SMOC2: variants seen among roughly 807,000 people sequenced by gnomAD.
The protein encoded by SMOC2 is SPARC related modular calcium binding 2, also known as SPARC-related modular calcium-binding protein 2.
SMOC2 carries 39 observed loss-of-function variants against 61.4 expected under a neutral mutation model. The ratio of observed to expected loss-of-function variants is 0.64; its 90% confidence interval spans 0.49 to 0.83. The LOEUF (loss-of-function observed/expected upper bound fraction) is 0.83, where lower values mean the gene tolerates loss of function less well. Among genes scored for constraint, SMOC2 ranks in the 40% least tolerant of loss-of-function variants. SMOC2 has a pLI of 0.00. For synonymous variants in SMOC2, 247 were observed against 239.9 expected (o/e 1.03, Z -0.27); for missense variants, 556 against 592.9 (o/e 0.94, Z 0.65).
chr6:168,596,452 C>G (rs192264343), intron 7 of SMOC2, among the ~76,000 whole-genome samples: 1 of 137,414 alleles, frequency 7.3e-6, no homozygotes. Context: ...CATGAGCAAG[C>G]GCCACGTGAA....
chr6:168,636,885 TCCTCCCA>T (rs1786744407), intron 9 of SMOC2, among the ~76,000 whole-genome samples: 1 of 33,164 alleles, frequency 3.0e-5, no homozygotes, highest in Non-Finnish European at 5.6e-5. Context: ...CCCGCCTCCC[TCCTCCCA>T]CCTCCCTCCT....
At position 168,526,461 on chromosome 6, in the gene SMOC2, C is replaced by A. The variant is rs763130799; in HGVS notation, c.363+9C>A. On this transcript the variant is annotated intron_variant, in intron 3 of 12. Transcript: ENST00000356284. ...ACGGCACCTACAGTCAGGTTACCGG[C>A]CTTGCTTGGGAGGTTCTGCACCTGT... The A allele has an allele frequency of 2.5e-6, 4 of 1,612,052 alleles. No individual in the cohort carries two copies. The highest frequency in any genetic ancestry group is 1.1e-5 in the South Asian group (1 of 91,058).
intron 7 of SMOC2, among the ~76,000 whole-genome samples, chr6:168,589,031 C>T (rs1481318047): frequency 1.4e-5 from 2 of 140,238 alleles, no homozygotes; most frequent in East Asian, 4.3e-4. Context: ...GAGTTGAGAT[C>T]GTGCCACTGC....
chr6:168,597,094 G>T (rs552790096), intron 7 of SMOC2, among the ~76,000 whole-genome samples: 1 of 152,232 alleles, frequency 6.6e-6, no homozygotes, highest in Non-Finnish European at 1.5e-5. Context: ...TGAGTACAGC[G>T]TATGAGGTTG....
intron 2 of SMOC2, among the ~76,000 whole-genome samples, chr6:168,517,921 G>A (rs868398391): frequency 1.6e-4 from 25 of 152,344 alleles, no homozygotes; most frequent in Admixed American, 5.9e-4. Flanking sequence ...TGAGGGCGCC[G>A]GAGCGCGAGC....
intron 9 of SMOC2, among the ~76,000 whole-genome samples, chr6:168,635,867 TCTC>T (rs1786702332): frequency 1.4e-5 from 1 of 72,728 alleles, no homozygotes; most frequent in Non-Finnish European, 3.0e-5. Flanking sequence ...CAAGACTCTG[TCTC>T]AAAAAAAAAA....
intron 9 of SMOC2, among the ~76,000 whole-genome samples, chr6:168,618,836 T>G (rs1786171291): frequency 6.6e-6 from 1 of 152,098 alleles, no homozygotes; most frequent in Non-Finnish European, 1.5e-5. Context: ...GGGCATCCGG[T>G]CTGGGAGAGA....
At chr6:168,596,383 A>C (rs868817203) in intron 7 of SMOC2, among the ~76,000 whole-genome samples, 937 of 114,198 alleles carry the variant, frequency 8.2e-3, no homozygotes, top group East Asian at 0.017. Flanking sequence ...GCTGGAGAGG[A>C]ATGAACAGGT....
intron 8 of SMOC2, among the ~76,000 whole-genome samples, chr6:168,600,280 G>T (rs569779486): frequency 6.6e-6 from 1 of 152,096 alleles, no homozygotes; most frequent in Non-Finnish European, 1.5e-5. Context: ...GGTGGTGGAT[G>T]CCTGTAATCC....
Position 168,579,321 on chromosome 6 carries a change from C to T in SMOC2, c.638-19497C>T, listed in dbSNP as rs1423645348. On this transcript the variant is annotated intron_variant, in intron 7 of 12. Transcript: ENST00000356284. ...GTGAAGTGTTAAAAAGTGGCCCCCT[C>T]TGGCTATTGGCTTATGCCGCCTGTC... Among the ~76,000 whole-genome samples the T allele has an allele frequency of 2.6e-5, 4 of 152,258 alleles. No homozygotes were observed. In the East Asian group the frequency reaches 7.7e-4, roughly 29 times the overall value.
rs61464905 is a variant in SMOC2, at chr6:168,575,335, G to A, written c.638-23483G>A. Among the ~76,000 whole-genome samples the A allele has an allele frequency of 6.1e-3, 932 of 152,178 alleles. 11 individuals carry two copies. Among genetic ancestry groups the A allele is most frequent in the African/African-American group, 0.021 (882 of 41,500 alleles). ...TTTTTTCCCTCCTTAGATTCCCCCC[G>A]ACTTCTTTCTAAGCCCTATAAGGAT... On this transcript the variant is annotated intron_variant, in intron 7 of 12. Coordinates refer to ENST00000356284, the MANE Select transcript of SMOC2 (RefSeq NM_001166412.2).
chr6:168,533,114 C>T (rs551333649), intron 4 of SMOC2, among the ~76,000 whole-genome samples: 11 of 152,084 alleles, frequency 7.2e-5, no homozygotes, highest in Admixed American at 5.2e-4. Flanking sequence ...ATTTCCTCCC[C>T]GCTCTAAAAT....
chr6:168,526,391 C>T lies in SMOC2; in HGVS notation c.302C>T (p.Ala101Val), dbSNP rs369401675. Residue 101 changes from alanine to valine, a missense_variant, in exon 3 of 13, where the codon GCC becomes GTC. Transcript: ENST00000356284. ...GAAAGGAAGTATACCCAGGAGCAAGCCCGGAAGGAGTTTCAGCAAGTGTTC... is the reference window on the plus strand; with the variant it reads ...GAAAGGAAGTATACCCAGGAGCAAGTCCGGAAGGAGTTTCAGCAAGTGTTC... ...VAERKYTQEQ[A>V]RKEFQQVFIP... 25 of 1,614,036 alleles carry T rather than the reference C, an allele frequency of 1.5e-5. No individual in the cohort carries two copies. The highest frequency in any genetic ancestry group is 1.9e-5 in the Non-Finnish European group (22 of 1,180,000).
chr6:168,475,939 G>A lies in SMOC2; in HGVS notation c.85-33976G>A, dbSNP rs913081605. Among the ~76,000 whole-genome samples, 4 of 151,952 alleles carry A rather than the reference G, an allele frequency of 2.6e-5. No individual in the cohort carries two copies. Among genetic ancestry groups the A allele is most frequent in the Admixed American group, 1.3e-4 (2 of 15,262 alleles). On this transcript the variant is annotated intron_variant, in intron 1 of 12. Coordinates refer to ENST00000356284, the MANE Select transcript of SMOC2 (RefSeq NM_001166412.2). This position sits in a 1 kb window ranked among gnomAD's most constrained non-coding sequence, Gnocchi z 4.6. ...AGGAGCAGGTGGACCAGGAGGCGTG[G>A]AAGGGCTGAGGTTTGCTAACCGTAG...
intron 7 of SMOC2, among the ~76,000 whole-genome samples, chr6:168,591,564 A>C (rs201757880): frequency 6.6e-6 from 1 of 151,592 alleles, no homozygotes; most frequent in Non-Finnish European, 1.5e-5. Flanking sequence ...TTCTTTGGTT[A>C]AAAATGTTGT....
At chr6:168,624,737 A>G (rs1423702430) in intron 9 of SMOC2, among the ~76,000 whole-genome samples, 2 of 151,956 alleles carry the variant, frequency 1.3e-5, no homozygotes, top group South Asian at 2.1e-4. Context: ...CAGACACAAT[A>G]CAGATTCACA....
At chr6:168,579,668 G>T (rs1226664884) in intron 7 of SMOC2, among the ~76,000 whole-genome samples, 2 of 152,280 alleles carry the variant, frequency 1.3e-5, no homozygotes, top group South Asian at 2.1e-4. Context: ...AACTTCATGA[G>T]TAGCAACCAA....
intron 9 of SMOC2, among the ~76,000 whole-genome samples, chr6:168,631,244 A>T (rs1786561866): frequency 6.6e-6 from 1 of 152,104 alleles, no homozygotes; most frequent in Non-Finnish European, 1.5e-5. Context: ...AAGCCGGCTG[A>T]TGCTTAGGAA....
rs1030295178 is a variant in SMOC2 at position 168,639,843 on chromosome 6, G to A, written c.908-10838G>A. 4.3e-4 allele frequency among the ~76,000 whole-genome samples: 65 copies of A among 152,194 alleles called. 1 individual carries two copies. Among genetic ancestry groups the A allele is most frequent in the Non-Finnish European group, 1.3e-4 (9 of 68,024 alleles). On this transcript the variant is annotated intron_variant, in intron 9 of 12. Transcript: ENST00000356284. ...ATTACAGAGACGGCAGAATGGCCCA[G>A]TTGCCGGTCCTGTTTGAATCCCTGG...
Sources: allele counts gnomAD v4.1 joint callset (sites outside exome capture counted in the v4.1 genomes callset), GRCh38; gene constraint gnomAD v4.1.1; non-coding constraint Gnocchi (gnomAD v3.1); transcripts MANE v1.5; gene names NCBI Gene and HGNC (gene_info 2026-07-23, HGNC 2026-07-21).